The following SH3KBP1 variants were observed in gnomAD, a reference collection of about 807,000 sequenced individuals.
SH3KBP1 encodes SH3 domain-containing kinase-binding protein 1.
SH3KBP1 carries 8 observed loss-of-function variants against 50.1 expected under a neutral mutation model. The ratio of observed to expected loss-of-function variants is 0.16; its 90% CI spans 0.09 to 0.29. The LOEUF is 0.29. Ranked by LOEUF, SH3KBP1 falls within the 10% of genes least tolerant of loss-of-function variation. The pLI, the probability that SH3KBP1 is intolerant of heterozygous loss-of-function variation, is 1.00. For missense variants in SH3KBP1, 377 were observed against 535.2 expected (o/e 0.70, Z 2.92); for synonymous variants, 227 against 218.6 (o/e 1.04, Z -0.34).
intron 9 of SH3KBP1, among the ~76,000 whole-genome samples, chrX:19,599,214 T>C (rs1465591539): frequency 1.8e-5 from 2 of 111,311 alleles, no homozygotes; most frequent in African/African-American, 6.5e-5. Context: ...CCCAGCGACC[T>C]TGCCTCAAAC....
chrX:19,671,428 C>T (rs1207157037), intron 6 of SH3KBP1, among the ~76,000 whole-genome samples: 1 of 107,222 alleles, frequency 9.3e-6, no homozygotes, highest in Non-Finnish European at 1.9e-5. Context: ...GAAGGAAAAA[C>T]AGCCGTGGCT....
intron 2 of SH3KBP1, among the ~76,000 whole-genome samples, chrX:19,770,734 G>A (rs1347254196): frequency 1.8e-4 from 19 of 106,574 alleles, no homozygotes; most frequent in African/African-American, 6.5e-4. Flanking sequence ...TTTAATAATA[G>A]CCATTCTGAC....
At chrX:19,641,265 A>G (rs1261769935) in intron 7 of SH3KBP1, among the ~76,000 whole-genome samples, 1 of 112,200 alleles carries the variant, frequency 8.9e-6, no homozygotes, top group African/African-American at 3.2e-5. Context: ...CTAACCACTC[A>G]GACTCCAGAA....
At chrX:19,814,868 C>T (rs2067308995) in intron 2 of SH3KBP1, among the ~76,000 whole-genome samples, 1 of 111,814 alleles carries the variant, frequency 8.9e-6, no homozygotes, top group Non-Finnish European at 1.9e-5. Context: ...TTTTCTCCTC[C>T]CAACTCTACT....
At chrX:19,559,093 C>G (rs1295359928) in intron 13 of SH3KBP1, among the ~76,000 whole-genome samples, 1 of 105,332 alleles carries the variant, frequency 9.5e-6, no homozygotes, top group African/African-American at 3.5e-5. Flanking sequence ...CATGGTGAAA[C>G]CCCGTCTCTA....
intron 3 of SH3KBP1, chrX:19,740,819 C>T (rs1220669256): frequency 3.2e-6 from 1 of 311,222 alleles, no homozygotes; most frequent in Non-Finnish European, 6.5e-6. Context: ...CTATCAAGAT[C>T]CACGCCACCG....
chrX:19,631,482 G>C (rs1306864091), intron 8 of SH3KBP1, among the ~76,000 whole-genome samples: 1 of 109,728 alleles, frequency 9.1e-6, no homozygotes, highest in African/African-American at 3.5e-5. Context: ...TTTTCTGCCT[G>C]TGAGGCATGA....
intron 2 of SH3KBP1, among the ~76,000 whole-genome samples, chrX:19,788,908 G>A (rs770842330): frequency 6.2e-5 from 7 of 112,186 alleles, no homozygotes; most frequent in Non-Finnish European, 1.3e-4. Flanking sequence ...GGCGGATCAC[G>A]AGGTCAGGAG....
At chrX:19,848,493 T>TCAC (rs1397819572) in intron 1 of SH3KBP1, among the ~76,000 whole-genome samples, 1 of 112,785 alleles carries the variant, frequency 8.9e-6, no homozygotes, top group Non-Finnish European at 1.9e-5. Flanking sequence ...GATATATCTT[T>TCAC]CACAGTGATA....
At chrX:19,542,735 G>A (rs1443170694) in intron 15 of SH3KBP1, among the ~76,000 whole-genome samples, 1 of 111,888 alleles carries the variant, frequency 8.9e-6, no homozygotes, top group Non-Finnish European at 1.9e-5. Flanking sequence ...GGAAAGGAGG[G>A]GCACTTAGAG....
At chrX:19,855,394 A>G (rs2068619477) in intron 1 of SH3KBP1, among the ~76,000 whole-genome samples, 1 of 112,619 alleles carries the variant, frequency 8.9e-6, no homozygotes, top group Non-Finnish European at 1.9e-5. Flanking sequence ...AGCCACAGAC[A>G]ACAAACATAA....
At chrX:19,600,095 CAAAAAAAA>C (rs1218369399) in intron 9 of SH3KBP1, among the ~76,000 whole-genome samples, 5 of 27,398 alleles carry the variant, frequency 1.8e-4, no homozygotes, top group African/African-American at 6.9e-4. Context: ...GACTCCGTCT[CAAAAAAAA>C]AAAAAAAAAA....
In SH3KBP1 at chrX:19,546,023, C is replaced by A; in HGVS notation, c.1522G>T (p.Asp508Tyr). 8.3e-7 allele frequency: 1 copy of A among 1,210,267 alleles called. No homozygotes were observed. The highest frequency in any genetic ancestry group is 1.7e-5 in the African/African-American group (1 of 57,525). The change falls in exon 15 of 18, where the codon GAC becomes TAC. Residue 508 changes from aspartate (D) to tyrosine (Y), a missense_variant. Physicochemically the swap from Asp to Tyr is radical, Grantham distance 160. Around this residue, in one of 3 missense-constraint regions of SH3KBP1, gnomAD observed 10 missense variants for 36.9 expected, o/e 0.27. Coordinates refer to ENST00000397821, the MANE Select transcript of SH3KBP1 (RefSeq NM_031892.3). Reference sequence around the variant, plus strand: ...TTATCCTCTTCGGGACTTGGGGAGTCGAAGATATCAGGGCTTGAAAGGGAT... The same window carrying A: ...TTATCCTCTTCGGGACTTGGGGAGTAGAAGATATCAGGGCTTGAAAGGGAT... ...SSSLSSPDIF[D>Y]SPSPEEDKEE... is the part of the protein sequence containing the mutation.
intron 6 of SH3KBP1, among the ~76,000 whole-genome samples, chrX:19,647,874 C>T (rs1428893941): frequency 9.0e-6 from 1 of 111,014 alleles, no homozygotes; most frequent in Non-Finnish European, 1.9e-5. Context: ...GGGGATGGTT[C>T]CCAGCAGTCT....
chrX:19,829,894 G>A (rs1329619918), intron 2 of SH3KBP1, among the ~76,000 whole-genome samples: 1 of 110,729 alleles, frequency 9.0e-6, no homozygotes, highest in African/African-American at 3.3e-5. Context: ...AGAAAGGGGT[G>A]GGCAATTCCC....
At chrX:19,830,903 C>T (rs951201631) in intron 2 of SH3KBP1, among the ~76,000 whole-genome samples, 2 of 112,059 alleles carry the variant, frequency 1.8e-5, no homozygotes, top group African/African-American at 6.5e-5. Context: ...TGTGGCCTAG[C>T]TGGGTACATT....
At chrX:19,800,401 A>C (rs2066858587) in intron 2 of SH3KBP1, among the ~76,000 whole-genome samples, 1 of 112,364 alleles carries the variant, frequency 8.9e-6, no homozygotes, top group African/African-American at 3.2e-5. Flanking sequence ...TCAGGTTCAT[A>C]CAGTAATTCA....
At chrX:19,563,935 C>T (rs1022286438) in intron 13 of SH3KBP1, among the ~76,000 whole-genome samples, 2 of 111,149 alleles carry the variant, frequency 1.8e-5, no homozygotes, top group African/African-American at 3.3e-5. Context: ...CACACACACG[C>T]TCAGCCAGTA....
At chrX:19,883,764 A>G (rs1165609147) in intron 1 of SH3KBP1, among the ~76,000 whole-genome samples, 1 of 111,898 alleles carries the variant, frequency 8.9e-6, no homozygotes, top group Non-Finnish European at 1.9e-5. Flanking sequence ...AACCACACAC[A>G]TGACCAAATA....
Sources: gnomAD v4.1 joint callset for allele counts (sites outside exome capture counted in the v4.1 genomes callset) on GRCh38, gnomAD v4.1.1 for gene constraint, gnomAD v4.1.1 regional missense constraint, MANE v1.5 for transcripts, NCBI Gene and HGNC (gene_info 2026-07-23, HGNC 2026-07-21) for gene names.